Variants in GRID2 observed in about 807,000 individuals in gnomAD.
GRID2 encodes glutamate ionotropic receptor delta type subunit 2, also known as glutamate receptor ionotropic, delta-2.
A neutral mutation model predicts 114.8 loss-of-function variants in GRID2; 33 were observed. The ratio of observed to expected loss-of-function variants is 0.29; its 90% CI spans 0.22 to 0.38. GRID2 has a LOEUF of 0.38. Among genes scored for constraint, GRID2 ranks in the 10% least tolerant of loss-of-function variants. GRID2 has a pLI of 1.00. For synonymous variants in GRID2, 505 were observed against 449.9 expected, an observed-to-expected ratio of 1.12 and a Z score of -1.55; for missense variants, 1,184 against 1,257.7, an observed-to-expected ratio of 0.94 and a Z score of 0.89.
rs186277541 is a variant in GRID2 at position 92,738,885 on chromosome 4, T to C, written c.244+148599T>C. Among the ~76,000 whole-genome samples, 42 of 152,270 alleles carry C rather than the reference T, an allele frequency of 2.8e-4. No homozygotes were observed. The East Asian group carries it at 6.8e-3, about 25-fold the overall frequency. The stretch of plus-strand genomic sequence containing the variant: ...AACATCTCTATGTTGCCCAGGTTGG[T>C]CTAGAACCCTGGCTCTAAGCAGTTC... On this transcript the variant is annotated intron_variant, in intron 2 of 15. Coordinates refer to ENST00000282020, the MANE Select transcript of GRID2 (RefSeq NM_001510.4).
intron 2 of GRID2, among the ~76,000 whole-genome samples, chr4:92,954,917 C>A (rs866775276): frequency 6.6e-5 from 9 of 136,834 alleles, no homozygotes; most frequent in Admixed American, 1.6e-4. Flanking sequence ...TTTCCAATTT[C>A]ATCCATGTCC....
Position 93,060,330 on chromosome 4 carries a change from C to T in GRID2, c.245-24665C>T, listed in dbSNP as rs530129908. Among the ~76,000 whole-genome samples the T allele has an allele frequency of 2.0e-5, 3 of 152,218 alleles. No homozygotes were observed. The East Asian group carries it at 5.8e-4, about 29-fold the overall frequency. On this transcript the variant is annotated intron_variant, in intron 2 of 15. Transcript: ENST00000282020. ...TCAAATGGTAAGGAAATATTCTCCT[C>T]CGGGTCCTCCCACATGTGCAGATAG... is the stretch of plus-strand genomic sequence containing the variant.
At chr4:93,152,133 T>C (rs1736794442) in intron 4 of GRID2, among the ~76,000 whole-genome samples, 2 of 152,154 alleles carry the variant, frequency 1.3e-5, no homozygotes, top group Admixed American at 1.3e-4. Context: ...TTGTTTCAGC[T>C]TACAGAGTTA....
chr4:93,748,340 C>T (rs567546779), intron 14 of GRID2, among the ~76,000 whole-genome samples: 1 of 151,992 alleles, frequency 6.6e-6, no homozygotes, highest in African/African-American at 2.4e-5. Context: ...CAGTTAATTT[C>T]TTTGGTTTTT....
At chr4:92,842,327 C>T (rs1329702696) in intron 2 of GRID2, among the ~76,000 whole-genome samples, 1 of 152,090 alleles carries the variant, frequency 6.6e-6, no homozygotes, top group Admixed American at 6.6e-5. Context: ...CAATGCTCAC[C>T]ATCTACTATA....
chr4:92,715,248 C>G (rs1221998491), intron 2 of GRID2, among the ~76,000 whole-genome samples: 2 of 152,214 alleles, frequency 1.3e-5, no homozygotes, highest in Non-Finnish European at 2.9e-5. Flanking sequence ...CATTTTCCAA[C>G]AAGTTCTTCA....
In GRID2 at chr4:93,238,555, A is replaced by G. The variant is rs533793668; in HGVS notation, c.1245+65A>G. 2.1e-6 allele frequency: 3 copies of G among 1,413,592 alleles called. No homozygotes were observed. In the African/African-American group the frequency reaches 4.3e-5, roughly 20 times the overall value. 87.6% of individuals were successfully genotyped at this position (1,413,592 alleles called of 1,614,324 possible). On this transcript the variant is annotated intron_variant, in intron 8 of 15. Transcript: ENST00000282020. ...CTATGGTTTTGCTTGATTGTTTTCC[A>G]TGCAGTATGATCACAGTACCCATTA...
chr4:92,945,208 T>G (rs1426274133), intron 2 of GRID2, among the ~76,000 whole-genome samples: 2 of 152,198 alleles, frequency 1.3e-5, no homozygotes, highest in Non-Finnish European at 2.9e-5. Flanking sequence ...TCTTTGAATA[T>G]GTGAACCTCA....
chr4:93,490,563 T>C, intron 11 of GRID2, 76 bp from the exon 12 acceptor site: 1 of 1,048,212 alleles, frequency 9.5e-7, no homozygotes, highest in East Asian at 2.5e-5. Flanking sequence ...GTTAATTTGG[T>C]GTTGAATATA....
intron 8 of GRID2, among the ~76,000 whole-genome samples, chr4:93,277,278 A>G (rs1353763742): frequency 1.3e-5 from 2 of 151,980 alleles, no homozygotes; most frequent in African/African-American, 4.8e-5. Flanking sequence ...TGATAATTGT[A>G]ACACAATGAA....
At chr4:93,393,851 G>A (rs777565237) in intron 8 of GRID2, among the ~76,000 whole-genome samples, 4 of 151,924 alleles carry the variant, frequency 2.6e-5, no homozygotes, top group South Asian at 2.1e-4. Flanking sequence ...GTTAAGAGAC[G>A]AATTTAAGGG....
intron 2 of GRID2, among the ~76,000 whole-genome samples, chr4:92,591,405 G>A (rs950702326): frequency 1.3e-5 from 2 of 152,084 alleles, no homozygotes; most frequent in African/African-American, 4.8e-5. Context: ...TAAGAAACTA[G>A]TCTACCTTAT....
At chr4:93,040,866 A>G (rs1325312682) in intron 2 of GRID2, among the ~76,000 whole-genome samples, 2 of 152,094 alleles carry the variant, frequency 1.3e-5, no homozygotes, top group Non-Finnish European at 2.9e-5. Context: ...AAGGAGCTGT[A>G]TTTATGGCAT....
At chr4:93,347,658 A>T (rs895137220) in intron 8 of GRID2, among the ~76,000 whole-genome samples, 1 of 152,090 alleles carries the variant, frequency 6.6e-6, no homozygotes, top group African/African-American at 2.4e-5. Flanking sequence ...CGCTTTCCAT[A>T]TATTTGCTAA....
At chr4:92,377,076 TC>T (rs1479529386) in intron 1 of GRID2, among the ~76,000 whole-genome samples, 1 of 152,204 alleles carries the variant, frequency 6.6e-6, no homozygotes, top group Non-Finnish European at 1.5e-5. Context: ...TGCTTGAATT[TC>T]TCCTCAGAAA....
At chr4:92,403,216 A>T (rs942044688) in intron 1 of GRID2, among the ~76,000 whole-genome samples, 2 of 152,174 alleles carry the variant, frequency 1.3e-5, no homozygotes, top group Non-Finnish European at 2.9e-5. Flanking sequence ...AACTTTCTTC[A>T]TATCAGGAAG....
intron 8 of GRID2, among the ~76,000 whole-genome samples, chr4:93,275,795 C>T (rs147174636): frequency 8.4e-4 from 128 of 151,714 alleles, no homozygotes; most frequent in South Asian, 2.9e-3. Flanking sequence ...TCAAATTTTT[C>T]GATCATTTTA....
chr4:92,620,860 T>G (rs1189802229), intron 2 of GRID2, among the ~76,000 whole-genome samples: 1 of 151,024 alleles, frequency 6.6e-6, no homozygotes, highest in Non-Finnish European at 1.5e-5. Flanking sequence ...AGTTAATGGG[T>G]GCAGCATACC....
At chr4:93,371,758 TTTTTTTGGAGA>T (rs1160926937) in intron 8 of GRID2, among the ~76,000 whole-genome samples, 1 of 142,648 alleles carries the variant, frequency 7.0e-6, no homozygotes, top group Non-Finnish European at 1.5e-5. Flanking sequence ...TTTTTTTTTT[TTTTTTTGGAGA>T]TGGAGTCTTG....
Sources: allele counts gnomAD v4.1 joint callset (sites outside exome capture counted in the v4.1 genomes callset), GRCh38; gene constraint gnomAD v4.1.1; transcripts MANE v1.5; gene names NCBI Gene and HGNC (gene_info 2026-07-23, HGNC 2026-07-21).